ZNF438: variants seen among roughly 807,000 people sequenced by gnomAD.
ZNF438 encodes zinc finger protein 438.
In ZNF438, 25 loss-of-function variants were observed where a neutral mutation model predicts 38.0. The observed-to-expected ratio is 0.66, with a 90% CI of 0.48 to 0.92. The LOEUF (loss-of-function observed/expected upper bound fraction) is 0.92. Ranked by LOEUF, ZNF438 falls within the 40% of genes least tolerant of loss-of-function variation. The pLI is 0.00. For synonymous variants in ZNF438, 372 were observed against 364.1 expected, an observed-to-expected ratio of 1.02 and a Z score of -0.25; for missense variants, 1,007 against 999.6, an observed-to-expected ratio of 1.01 and a Z score of -0.10.
At chr10:30,968,998 T>A (rs547897935) in intron 1 of ZNF438, among the ~76,000 whole-genome samples, 7 of 152,112 alleles carry the variant, frequency 4.6e-5, no homozygotes, top group East Asian at 1.9e-4. Flanking sequence ...AGGGCATGGG[T>A]TAGGGTAACA....
At chr10:30,998,307 G>A (rs1265113035) in intron 1 of ZNF438, among the ~76,000 whole-genome samples, 2 of 151,860 alleles carry the variant, frequency 1.3e-5, no homozygotes, top group African/African-American at 2.4e-5. Context: ...TTGGGAGGCC[G>A]AGGCGGGTGG....
intron 1 of ZNF438, among the ~76,000 whole-genome samples, chr10:30,984,629 T>TA (rs1365436528): frequency 3.3e-5 from 5 of 152,126 alleles, no homozygotes; most frequent in African/African-American, 1.2e-4. Context: ...CAAAATTTAA[T>TA]AAAAGTTTTA....
At chr10:30,970,982 G>A (rs2050678629) in intron 1 of ZNF438, among the ~76,000 whole-genome samples, 1 of 152,148 alleles carries the variant, frequency 6.6e-6, no homozygotes, top group South Asian at 2.1e-4. Flanking sequence ...GCAGACACCC[G>A]ACTCTGGGGA....
intron 4 of ZNF438, among the ~76,000 whole-genome samples, chr10:30,874,782 T>G (rs2038154920): frequency 6.6e-6 from 1 of 150,986 alleles, no homozygotes; most frequent in Non-Finnish European, 1.5e-5. Flanking sequence ...AATTGTAAAT[T>G]CTTATAGAAA....
intron 1 of ZNF438, among the ~76,000 whole-genome samples, chr10:31,013,284 A>G (rs1239130794): frequency 3.2e-4 from 48 of 151,484 alleles, no homozygotes; most frequent in Non-Finnish European, 5.9e-4. Context: ...CCGCCACTGC[A>G]CTCCAGCCTG....
intron 1 of ZNF438, among the ~76,000 whole-genome samples, chr10:30,943,945 G>A (rs2047091103): frequency 6.6e-6 from 1 of 152,136 alleles, no homozygotes. Context: ...GAAGGGAAAA[G>A]AGTTATGAGA....
chr10:30,923,810 T>C (rs573340067), intron 2 of ZNF438, among the ~76,000 whole-genome samples: 14 of 152,320 alleles, frequency 9.2e-5, no homozygotes, highest in South Asian at 4.1e-4. Context: ...TTTGGGATGA[T>C]TGCTCTTCCA....
chr10:30,887,171 T>C (rs1235074876), intron 3 of ZNF438, among the ~76,000 whole-genome samples: 1 of 152,190 alleles, frequency 6.6e-6, no homozygotes, highest in Non-Finnish European at 1.5e-5. Context: ...GACTACCTTA[T>C]AGGCCAGGGA....
At chr10:30,975,115 T>A (rs1057041895) in intron 1 of ZNF438, among the ~76,000 whole-genome samples, 2 of 152,188 alleles carry the variant, frequency 1.3e-5, no homozygotes, top group Non-Finnish European at 2.9e-5. Context: ...AGTGACAGCA[T>A]TGTTTTCTTA....
intron 1 of ZNF438, among the ~76,000 whole-genome samples, chr10:31,020,448 G>T (rs1432673700): frequency 6.6e-6 from 1 of 152,140 alleles, no homozygotes; most frequent in Non-Finnish European, 1.5e-5. Context: ...CTTGGTGATT[G>T]GATATACGTT....
intron 1 of ZNF438, among the ~76,000 whole-genome samples, chr10:30,957,358 T>C (rs1287957655): frequency 6.6e-6 from 1 of 152,198 alleles, no homozygotes; most frequent in Non-Finnish European, 1.5e-5. Context: ...CTTCACTCTG[T>C]TGTTTCCTTT....
intron 3 of ZNF438, among the ~76,000 whole-genome samples, chr10:30,877,528 T>C (rs534368628): frequency 1.6e-4 from 24 of 152,350 alleles, no homozygotes; most frequent in Admixed American, 3.3e-4. Context: ...AAAATGTTAA[T>C]GATGCGATGC....
At chr10:31,021,952 T>A (rs1439170884) in intron 1 of ZNF438, among the ~76,000 whole-genome samples, 1 of 152,216 alleles carries the variant, frequency 6.6e-6, no homozygotes, top group Non-Finnish European at 1.5e-5. Flanking sequence ...TCTACGGTCG[T>A]TTGGCATTTG....
At chr10:30,890,420 C>A (rs2040539473) in intron 3 of ZNF438, among the ~76,000 whole-genome samples, 1 of 152,202 alleles carries the variant, frequency 6.6e-6, no homozygotes, top group Admixed American at 6.5e-5. Flanking sequence ...TTCCCAGGTT[C>A]CAGGGTGAAA....
chr10:30,877,155 TA>T (rs2038556936), intron 3 of ZNF438, 90 bp from the exon 5 acceptor site: 1 of 675,538 alleles, frequency 1.5e-6, no homozygotes. Flanking sequence ...AGCTGTTTTT[TA>T]AAGTTTGTTT....
At chr10:30,948,307 G>T (rs2047701827) in intron 1 of ZNF438, among the ~76,000 whole-genome samples, 1 of 152,106 alleles carries the variant, frequency 6.6e-6, no homozygotes, top group Admixed American at 6.5e-5. Context: ...GGAAAAAACA[G>T]AACAGAAAAA....
intron 4 of ZNF438, among the ~76,000 whole-genome samples, chr10:30,872,033 C>T (rs965054467): frequency 2.0e-5 from 3 of 152,108 alleles, no homozygotes; most frequent in African/African-American, 7.2e-5. Context: ...TATAAGAAAA[C>T]TTTTCTACTT....
chr10:31,004,585 T>TA (rs1387510361), intron 1 of ZNF438, among the ~76,000 whole-genome samples: 1 of 152,144 alleles, frequency 6.6e-6, no homozygotes, highest in Non-Finnish European at 1.5e-5. Flanking sequence ...AGTGAGATAA[T>TA]AGACACGTCG....
intron 4 of ZNF438, among the ~76,000 whole-genome samples, chr10:30,853,274 T>C (rs993491433): frequency 4.6e-5 from 7 of 152,254 alleles, no homozygotes; most frequent in Admixed American, 4.6e-4. Context: ...TGAAAGAATA[T>C]GTGACAATAA....
Sources: allele counts gnomAD v4.1 joint callset (sites outside exome capture counted in the v4.1 genomes callset), GRCh38; gene constraint gnomAD v4.1.1; transcripts MANE v1.5; gene names NCBI Gene and HGNC (gene_info 2026-07-23, HGNC 2026-07-21).